Variants in GPNMB observed in about 807,000 individuals in gnomAD.
The protein encoded by GPNMB is glycoprotein nmb, also known as transmembrane glycoprotein NMB.
GPNMB carries 71 observed loss-of-function variants against 57.3 expected under a neutral mutation model. The observed-to-expected ratio is 1.24, with a 90% CI of 1.02 to 1.51. The LOEUF (loss-of-function observed/expected upper bound fraction) is 1.51, where lower values mean the gene tolerates loss of function less well. Among genes scored for constraint, GPNMB ranks in the 40% most tolerant of loss-of-function variants. The pLI is 0.00. For synonymous variants in GPNMB, 253 were observed against 263.2 expected, an observed-to-expected ratio of 0.96 and a Z score of 0.38; for missense variants, 677 against 691.9, an observed-to-expected ratio of 0.98 and a Z score of 0.24.
At chr7:23,271,754 A>T (rs987514506) in intron 9 of GPNMB, among the ~76,000 whole-genome samples, 2 of 152,016 alleles carry the variant, frequency 1.3e-5, no homozygotes, top group African/African-American at 4.8e-5. Context: ...TGAGATGAAG[A>T]CACTGCACTC....
At chr7:23,248,476 G>T (rs1374016524) in intron 1 of GPNMB, among the ~76,000 whole-genome samples, 1 of 152,070 alleles carries the variant, frequency 6.6e-6, no homozygotes, top group Non-Finnish European at 1.5e-5. Context: ...ACCTTGCTCT[G>T]GACTAAATAT....
At position 23,266,515 on chromosome 7, in the gene GPNMB, A is replaced by G. The variant is rs1290071982; in HGVS notation, c.1019-2A>G. 5.0e-6 allele frequency: 8 copies of G among 1,613,196 alleles called. No homozygotes were observed. Among genetic ancestry groups the G allele is most frequent in the Non-Finnish European group, 6.8e-6 (8 of 1,179,162 alleles). Reference sequence around the variant, plus strand: ...TAAAATCTTATGATTCAAACACCCCAGGACCTGCTGGTGACAACCCCCTGG... The same window carrying G: ...TAAAATCTTATGATTCAAACACCCCGGGACCTGCTGGTGACAACCCCCTGG... On this transcript the variant is annotated splice_acceptor_variant, in intron 6 of 10. Transcript: ENST00000258733. LOFTEE classifies it high-confidence loss of function.
intron 1 of GPNMB, among the ~76,000 whole-genome samples, chr7:23,252,981 A>G (rs1179712922): frequency 6.6e-6 from 1 of 152,226 alleles, no homozygotes; most frequent in Non-Finnish European, 1.5e-5. Flanking sequence ...TCTGAAGATT[A>G]TTGGCATCAG....
intron 9 of GPNMB, among the ~76,000 whole-genome samples, chr7:23,271,477 AAAACAAAC>A (rs960157787): frequency 1.3e-5 from 2 of 152,176 alleles, no homozygotes; most frequent in Non-Finnish European, 2.9e-5. Context: ...TCCAGCTACA[AAAACAAAC>A]AAACAAACAA....
chr7:23,254,082 G>A, intron 2 of GPNMB, 87 bp from the exon 3 acceptor site: 6 of 1,292,178 alleles, frequency 4.6e-6, no homozygotes, highest in East Asian at 2.4e-5. Context: ...GGGTCCTCTG[G>A]TCCTTATTAA....
At chr7:23,265,837 C>T (rs1783044059) in intron 6 of GPNMB, among the ~76,000 whole-genome samples, 1 of 150,840 alleles carries the variant, frequency 6.6e-6, no homozygotes. Flanking sequence ...CAGCTAAAAA[C>T]AAGGGAAGCT....
intron 4 of GPNMB, chr7:23,257,361 T>C (rs1054046820): frequency 3.5e-6 from 2 of 568,220 alleles, no homozygotes; most frequent in Non-Finnish European, 6.2e-6. Flanking sequence ...GAAAAAATGC[T>C]AACACTTATT....
chr7:23,267,792 A>G (rs1004196800), intron 7 of GPNMB, 94 bp from the exon 8 acceptor site: 6 of 888,406 alleles, frequency 6.8e-6, no homozygotes, highest in Admixed American at 3.7e-5. Context: ...TTTCGGAGGG[A>G]CACAAACATT....
At chr7:23,252,206 CAAAT>C (rs1045815690) in intron 1 of GPNMB, among the ~76,000 whole-genome samples, 1 of 152,086 alleles carries the variant, frequency 6.6e-6, no homozygotes, top group African/African-American at 2.4e-5. Flanking sequence ...AAATAGAAAA[CAAAT>C]AACAAGGTAG....
intron 6 of GPNMB, 46 bp downstream of exon 6, chr7:23,260,819 C>A (rs1489703763): frequency 7.4e-7 from 1 of 1,356,954 alleles, no homozygotes; most frequent in Non-Finnish European, 1.0e-6. Flanking sequence ...TAATGGCTAA[C>A]AAAATATTCA....
Position 23,260,743 on chromosome 7 carries a change from C to T in GPNMB, c.988C>T (p.Pro330Ser). 6.4e-7 allele frequency: 1 copy of T among 1,573,280 alleles called. No homozygotes were observed. The highest frequency in any genetic ancestry group is 1.7e-4 in the Middle Eastern group (1 of 5,864). ...PGPCPPPPPP[P>S]RPSKPTPSLG... is the part of the protein sequence containing the mutation. Reference sequence around the variant, plus strand: ...ACCTTGTCCGCCACCGCCACCACCACCCAGACCTTCAAAACCCACCCCTTC... The same window carrying T: ...ACCTTGTCCGCCACCGCCACCACCATCCAGACCTTCAAAACCCACCCCTTC... Residue 330 changes from proline to serine, a missense_variant, in exon 6 of 11, where the codon CCC (proline) becomes TCC (serine). Transcript: ENST00000258733.
chr7:23,254,768 T>C, intron 3 of GPNMB, among the ~76,000 whole-genome samples: 1 of 152,192 alleles, frequency 6.6e-6, no homozygotes, highest in East Asian at 1.9e-4. Flanking sequence ...ATATTTTGGT[T>C]TTGCTTTGCT....
At position 23,270,037 on chromosome 7, in the gene GPNMB, C is replaced by T. The variant is rs889460603; in HGVS notation, c.1291C>T (p.Pro431Ser). The change falls in exon 9 of 11, where the codon CCT (proline) becomes TCT (serine). Residue 431 changes from proline to serine, a missense_variant. By Grantham distance (74) the Pro-to-Ser change is moderately conservative. Coordinates refer to ENST00000258733, the MANE Select transcript of GPNMB (RefSeq NM_002510.3). ...GATCACCCAGAACACAGTCTGCAGC[C>T]CTGTGGATGTGGATGAGATGTGTCT... ...CEITQNTVCS[P>S]VDVDEMCLLT... 1.1e-5 allele frequency: 17 copies of T among 1,613,924 alleles called. No homozygotes were observed. The highest frequency in any genetic ancestry group is 5.3e-5 in the African/African-American group (4 of 74,902).
chr7:23,250,847 C>T (rs1185735254), intron 1 of GPNMB: 1 of 152,178 alleles, frequency 6.6e-6, no homozygotes, highest in Non-Finnish European at 1.5e-5. Context: ...TTGATTTCTA[C>T]TAAAGATGAC....
At chr7:23,270,948 G>A (rs559893274) in intron 9 of GPNMB, among the ~76,000 whole-genome samples, 56 of 152,334 alleles carry the variant, frequency 3.7e-4, no homozygotes, top group Admixed American at 6.5e-4. Context: ...GAAGTGCTAC[G>A]TGGTAGGATG....
At chr7:23,262,507 G>A (rs549134072) in intron 6 of GPNMB, among the ~76,000 whole-genome samples, 3 of 150,416 alleles carry the variant, frequency 2.0e-5, no homozygotes, top group Admixed American at 6.6e-5. Context: ...AAACATTATA[G>A]ACATCTTTCC....
chr7:23,265,343 T>C (rs1273657973), intron 6 of GPNMB, among the ~76,000 whole-genome samples: 1 of 152,246 alleles, frequency 6.6e-6, no homozygotes, highest in Non-Finnish European at 1.5e-5. Flanking sequence ...AGACTGAGTC[T>C]ACTTCACATG....
At chr7:23,268,984 C>T (rs1562643112) in intron 8 of GPNMB, among the ~76,000 whole-genome samples, 3 of 152,206 alleles carry the variant, frequency 2.0e-5, no homozygotes, top group South Asian at 2.1e-4. Flanking sequence ...CAAACCTCTT[C>T]TGTTCAAGTC....
chr7:23,261,450 C>G (rs1188970298), intron 6 of GPNMB, among the ~76,000 whole-genome samples: 1 of 152,002 alleles, frequency 6.6e-6, no homozygotes, highest in Non-Finnish European at 1.5e-5. Flanking sequence ...ACTATGCAGT[C>G]ATAAAAAAGG....
Sources: allele counts gnomAD v4.1 joint callset (sites outside exome capture counted in the v4.1 genomes callset), GRCh38; gene constraint gnomAD v4.1.1; transcripts MANE v1.5; gene names NCBI Gene and HGNC (gene_info 2026-07-23, HGNC 2026-07-21).